Variants in PCID2 observed in about 807,000 individuals in gnomAD.
PCID2 encodes the protein PCI domain-containing protein 2.
Under a neutral mutation model 61.3 loss-of-function variants are expected in PCID2, and 41 were observed. The observed-to-expected ratio is 0.67, with a 90% CI of 0.52 to 0.87. The LOEUF (loss-of-function observed/expected upper bound fraction) is 0.87. PCID2 is among the 40% of genes least tolerant of loss of function. The probability of loss-of-function intolerance (pLI) is 0.00; values close to 1 mark genes in which losing one functional copy is unlikely to be tolerated. For synonymous variants in PCID2, 187 were observed against 177.8 expected (o/e 1.05, Z -0.41); for missense variants, 392 against 493.4 (o/e 0.79, Z 1.95).
At chr13:113,168,510 C>T in the PCID2 span, among the ~76,000 whole-genome samples, 1 of 152,252 alleles carries the variant, frequency 6.6e-6, no homozygotes, top group Non-Finnish European at 1.5e-5. Context: ...TGCCACAAGA[C>T]GGCTCCCATC....
At chr13:113,192,415 C>T (rs2038693918) in intron 6 of PCID2, among the ~76,000 whole-genome samples, 1 of 152,012 alleles carries the variant, frequency 6.6e-6, no homozygotes, top group African/African-American at 2.4e-5. Context: ...AAGCTCTGGG[C>T]AGCTGTCTGA....
At position 113,178,042 on chromosome 13, in the gene PCID2, G is replaced by A. The variant is rs532756111; in HGVS notation, c.*156C>T. On this transcript the variant is annotated 3_prime_UTR_variant, in exon 14 of 14. Transcript: ENST00000337344. ...AGTTACAAATGAAGGAGATTAACTC[G>A]GGTGTGCTGAAAATCTCAGCCTCAG... 3.0e-5 allele frequency: 16 copies of A among 532,174 alleles called. No homozygotes were observed. The highest frequency in any genetic ancestry group is 2.5e-4 in the Admixed American group (7 of 28,220). 33.0% of individuals were successfully genotyped at this position (532,174 alleles called of 1,614,324 possible). A position where few individuals can be genotyped will look rare whatever the true frequency, so the allele number is the denominator to read the frequency against.
the PCID2 span, among the ~76,000 whole-genome samples, chr13:113,167,129 A>G: frequency 5.3e-5 from 8 of 152,218 alleles, no homozygotes; most frequent in Non-Finnish European, 5.9e-5. Flanking sequence ...AGGGTTGAAG[A>G]TTATCTTTAG....
the PCID2 span, chr13:113,170,440 G>T: frequency 1.2e-6 from 2 of 1,607,464 alleles, no homozygotes; most frequent in Non-Finnish European, 1.7e-6. Flanking sequence ...CGAAGGAAAA[G>T]ACTTCTGTGG....
chr13:113,181,188 G>A lies in PCID2; in HGVS notation c.728C>T (p.Ser243Phe), dbSNP rs1182774429. The change falls in exon 10 of 14, where the codon TCT becomes TTT. Residue 243 changes from serine (S) to phenylalanine (F), a missense_variant. Ser to Phe is a radical substitution (Grantham distance 155). Coordinates refer to ENST00000337344, the MANE Select transcript of PCID2 (RefSeq NM_001127202.4). ...LSFAFEHCHR[S>F]SQKNKRMILI... Reference sequence around the variant, plus strand: ...AATCATCCTTTTGTTCTTCTGACTAGAACGGTGACAATGCTCAAAGGCAAA... The same window carrying A: ...AATCATCCTTTTGTTCTTCTGACTAAAACGGTGACAATGCTCAAAGGCAAA... 1 of 1,613,704 alleles carries A rather than the reference G, an allele frequency of 6.2e-7. No individual in the cohort carries two copies. The highest frequency in any genetic ancestry group is 1.3e-5 in the African/African-American group (1 of 74,886).
At chr13:113,196,278 A>G (rs2039009073) in intron 4 of PCID2, 56 bp from the exon 5 acceptor site, 2 of 1,304,482 alleles carry the variant, frequency 1.5e-6, no homozygotes, top group African/African-American at 1.4e-5. Context: ...ACGTACGATA[A>G]AAGTAAAGAA....
At position 113,179,103 on chromosome 13, in the gene PCID2, G is replaced by A. The variant is rs2037381232; in HGVS notation, c.987-14C>T. 1 of 1,611,492 alleles carries A rather than the reference G, an allele frequency of 6.2e-7. No homozygotes were observed. The stretch of plus-strand genomic sequence containing the variant: ...AGTAACAAATACCTGGAAGAGGGGA[G>A]GAGAAGGGCACTGTGGTTACCGACA... On this transcript the variant is annotated splice_polypyrimidine_tract_variant and intron_variant, in intron 12 of 13. Transcript: ENST00000337344. This position sits in a 1 kb window ranked among gnomAD's most constrained non-coding sequence, Gnocchi z 4.3.
chr13:113,168,289 T>C, the PCID2 span, among the ~76,000 whole-genome samples: 1 of 126,960 alleles, frequency 7.9e-6, no homozygotes, highest in African/African-American at 2.8e-5. Flanking sequence ...CAGGCCTCCC[T>C]CTGGTATCGT....
intron 9 of PCID2, 134 bp downstream of exon 9, chr13:113,184,212 A>C (rs2037896686): frequency 1.1e-6 from 1 of 915,224 alleles, no homozygotes; most frequent in Non-Finnish European, 1.7e-6. Flanking sequence ...TTTAGTGTCA[A>C]ATATGTATAT....
At chr13:113,178,906 A>T in intron 13 of PCID2, 60 bp downstream of exon 13, 1 of 1,543,646 alleles carries the variant, frequency 6.5e-7, no homozygotes, top group Non-Finnish European at 8.8e-7. Context: ...CTGAAGCTTC[A>T]AATTCTGGGC....
chr13:113,172,242 C>G, the PCID2 span: 3 of 1,254,188 alleles, frequency 2.4e-6, no homozygotes, highest in South Asian at 2.6e-5. Flanking sequence ...TTGGCCCACG[C>G]AGCAGCAGAG....
chr13:113,208,125 C>CA, intron 1 of PCID2: 1 of 1,609,216 alleles, frequency 6.2e-7, no homozygotes, highest in Non-Finnish European at 8.5e-7. Flanking sequence ...GGACGAGGGG[C>CA]ACGAGCCCGG....
chr13:113,171,849 C>A, the PCID2 span: 7 of 1,613,514 alleles, frequency 4.3e-6, no homozygotes, highest in Non-Finnish European at 5.9e-6. The surrounding 1 kb of genome is among the most constrained non-coding windows in gnomAD (Gnocchi z 5.1). Flanking sequence ...TCGCTGACCA[C>A]GCGGCCTGTC....
the PCID2 span, among the ~76,000 whole-genome samples, chr13:113,167,779 CATTT>C: frequency 2.6e-5 from 4 of 152,092 alleles, no homozygotes; most frequent in Admixed American, 2.6e-4. Context: ...GGCCATTTTA[CATTT>C]ATTGTAATTG....
intron 6 of PCID2, among the ~76,000 whole-genome samples, chr13:113,191,947 T>A (rs984432452): frequency 1.3e-5 from 2 of 152,134 alleles, no homozygotes. Flanking sequence ...CCAGTAAAAT[T>A]AGTTTCCTTT....
intron 1 of PCID2, 38 bp from the exon 2 acceptor site, chr13:113,200,554 A>G: frequency 7.4e-7 from 1 of 1,355,992 alleles, no homozygotes; most frequent in Non-Finnish European, 1.1e-6. Context: ...TAGAAAATAA[A>G]ATATTCTGTT....
chr13:113,194,996 A>C, intron 6 of PCID2, 75 bp downstream of exon 6: 1 of 1,051,774 alleles, frequency 9.5e-7, no homozygotes, highest in East Asian at 2.4e-5. Context: ...TTCTGGGAAG[A>C]ATGACATGAA....
chr13:113,199,753 C>CTAGGTACA (rs2039280166), intron 2 of PCID2, among the ~76,000 whole-genome samples: 1 of 152,186 alleles, frequency 6.6e-6, no homozygotes, highest in Non-Finnish European at 1.5e-5. Flanking sequence ...CATAGAATCA[C>CTAGGTACA]CTAGGTAACT....
chr13:113,170,930 T>C, the PCID2 span, among the ~76,000 whole-genome samples: 1 of 99,234 alleles, frequency 1.0e-5, no homozygotes, highest in African/African-American at 3.0e-5. Context: ...ATTTCTTTCT[T>C]TTTTTTTTTT....
Sources: gnomAD v4.1 joint callset for allele counts (sites outside exome capture counted in the v4.1 genomes callset) on GRCh38, gnomAD v4.1.1 for gene constraint, Gnocchi (gnomAD v3.1) non-coding constraint, MANE v1.5 for transcripts, NCBI Gene and HGNC (gene_info 2026-07-23, HGNC 2026-07-21) for gene names.